Variants in RBMS1 observed in about 807,000 individuals in gnomAD.
RBMS1 encodes the protein RNA-binding motif, single-stranded-interacting protein 1.
RBMS1 carries 17 observed loss-of-function variants against 62.3 expected under a neutral mutation model. The observed-to-expected ratio is 0.27, with a 90% CI of 0.19 to 0.41. The LOEUF is 0.41. Ranked by LOEUF, RBMS1 falls within the 10% of genes least tolerant of loss-of-function variation. The pLI is 1.00. For missense variants in RBMS1, 334 were observed against 504.5 expected, an observed-to-expected ratio of 0.66 and a Z score of 3.24; for synonymous variants, 172 against 170.0, an observed-to-expected ratio of 1.01 and a Z score of -0.09.
At chr2:160,380,264 C>T (rs994160209) in intron 1 of RBMS1, among the ~76,000 whole-genome samples, 3 of 152,078 alleles carry the variant, frequency 2.0e-5, no homozygotes, top group Non-Finnish European at 4.4e-5. Flanking sequence ...CGGGGAGCAG[C>T]TCTCTGCCCA....
At position 160,339,020 on chromosome 2, in the gene RBMS1, G is replaced by C. The variant is rs556816717; in HGVS notation, c.252-20793C>G. ...CCAGGAAGCAAAAGCAAGTTGTCCA[G>C]GATCATCCACCTATTACACAGGCAA... On this transcript the variant is annotated intron_variant, in intron 2 of 13. Transcript: ENST00000348849. Among the ~76,000 whole-genome samples the C allele has an allele frequency of 2.6e-5, 4 of 152,320 alleles. No homozygotes were observed. In the South Asian group the frequency reaches 8.3e-4, roughly 32 times the overall value.
At chr2:160,350,556 G>A (rs1416651883) in intron 2 of RBMS1, among the ~76,000 whole-genome samples, 6 of 152,052 alleles carry the variant, frequency 3.9e-5, no homozygotes, top group Non-Finnish European at 5.9e-5. Context: ...GACATTGAAA[G>A]GAAAGCAGGG....
chr2:160,310,189 A>T (rs991514915), intron 4 of RBMS1, among the ~76,000 whole-genome samples: 6 of 152,198 alleles, frequency 3.9e-5, no homozygotes, highest in African/African-American at 1.2e-4. Flanking sequence ...TAATTCCCTA[A>T]AATGTAACTA....
chr2:160,373,343 A>C (rs1210183949), intron 1 of RBMS1, among the ~76,000 whole-genome samples: 3 of 152,232 alleles, frequency 2.0e-5, no homozygotes, highest in Non-Finnish European at 4.4e-5. Flanking sequence ...TATGCTTCAG[A>C]TAAAAGAATT....
intron 1 of RBMS1, among the ~76,000 whole-genome samples, chr2:160,435,572 T>G (rs1683076004): frequency 6.6e-6 from 1 of 152,232 alleles, no homozygotes; most frequent in Non-Finnish European, 1.5e-5. Flanking sequence ...GTCCAAGCCT[T>G]AGGCTTTTCT....
At chr2:160,303,771 G>C (rs1689340435) in intron 4 of RBMS1, among the ~76,000 whole-genome samples, 1 of 152,132 alleles carries the variant, frequency 6.6e-6, no homozygotes, top group Non-Finnish European at 1.5e-5. Context: ...GTTGTTTGCG[G>C]TGTTTCTAAA....
chr2:160,296,587 G>T (rs1688945837), intron 6 of RBMS1, among the ~76,000 whole-genome samples: 1 of 152,196 alleles, frequency 6.6e-6, no homozygotes, highest in South Asian at 2.1e-4. Flanking sequence ...TCTCTTCCAT[G>T]ACTTCTGGCT....
intron 1 of RBMS1, among the ~76,000 whole-genome samples, chr2:160,476,126 G>A (rs904469648): frequency 4.6e-5 from 7 of 152,034 alleles, no homozygotes; most frequent in East Asian, 1.9e-4. Context: ...CCAAAGTGCC[G>A]GGATTACAGG....
chr2:160,306,890 TTTA>T (rs1382259177), intron 4 of RBMS1, among the ~76,000 whole-genome samples: 1 of 152,108 alleles, frequency 6.6e-6, no homozygotes, highest in Admixed American at 6.5e-5. Flanking sequence ...CCATAACTGG[TTTA>T]TTATTTACAA....
At chr2:160,424,264 C>T (rs1381076652) in intron 1 of RBMS1, among the ~76,000 whole-genome samples, 1 of 151,978 alleles carries the variant, frequency 6.6e-6, no homozygotes, top group African/African-American at 2.4e-5. Context: ...AATGATCCAC[C>T]CGCCTCAGCC....
intron 4 of RBMS1, among the ~76,000 whole-genome samples, chr2:160,310,794 A>G (rs1443049210): frequency 6.6e-6 from 1 of 152,126 alleles, no homozygotes; most frequent in Admixed American, 6.5e-5. Context: ...TATGCAACAT[A>G]GGTATCACAT....
chr2:160,287,171 C>T, intron 6 of RBMS1, 87 bp from the exon 7 acceptor site: 1 of 1,531,374 alleles, frequency 6.5e-7, no homozygotes, highest in Non-Finnish European at 8.9e-7. Flanking sequence ...GAATAGTGTT[C>T]ACGCTATTAG....
chr2:160,292,642 C>G (rs1218126633), intron 6 of RBMS1, among the ~76,000 whole-genome samples: 1 of 152,252 alleles, frequency 6.6e-6, no homozygotes, highest in African/African-American at 2.4e-5. Flanking sequence ...CCTACAACTT[C>G]TACCCAAGAG....
intron 13 of RBMS1, 92 bp from the exon 14 acceptor site, chr2:160,274,856 T>C (rs1281701691): frequency 1.3e-5 from 2 of 152,650 alleles, no homozygotes; most frequent in Admixed American, 6.5e-5. Flanking sequence ...TAAAGAGATA[T>C]GTGTTTGAAA....
intron 1 of RBMS1, among the ~76,000 whole-genome samples, chr2:160,460,659 T>C (rs1427789450): frequency 6.6e-6 from 1 of 152,230 alleles, no homozygotes; most frequent in South Asian, 2.1e-4. Context: ...TCTCTGGCTG[T>C]TTTGCTTCTT....
At chr2:160,307,311 T>C (rs1381891880) in intron 4 of RBMS1, among the ~76,000 whole-genome samples, 1 of 143,452 alleles carries the variant, frequency 7.0e-6, no homozygotes, top group Non-Finnish European at 1.5e-5. Context: ...GGTGAAGCTC[T>C]GGATGGAGAG....
chr2:160,286,025 G>T (rs1175568075), intron 7 of RBMS1, among the ~76,000 whole-genome samples: 2 of 151,890 alleles, frequency 1.3e-5, no homozygotes, highest in East Asian at 3.9e-4. Flanking sequence ...GCAGGAGAAT[G>T]GCATGAACCC....
rs756088005 is a variant in RBMS1 at position 160,300,831 on chromosome 2, A to C, written c.561-101T>G. On this transcript the variant is annotated intron_variant, in intron 5 of 13. Transcript: ENST00000348849. ...CATTCTTATAGGTTTTTTGGATATA[A>C]ATGAAACCTAGTAAAAATGTGAATA... The C allele has an allele frequency of 7.8e-5, 98 of 1,252,302 alleles. No individual in the cohort carries two copies. The Middle Eastern group carries it at 3.4e-3, about 43-fold the overall frequency. The allele number at this position is 1,252,302 out of a possible 1,614,324, so 77.6% of individuals were successfully genotyped here. A position where few individuals can be genotyped will look rare whatever the true frequency, so the allele number is the denominator to read the frequency against.
intron 4 of RBMS1, among the ~76,000 whole-genome samples, chr2:160,304,891 C>T (rs1284605930): frequency 1.3e-5 from 2 of 152,150 alleles, no homozygotes; most frequent in African/African-American, 2.4e-5. Flanking sequence ...GAGTCTTGCT[C>T]TGTGCCAGGA....
Sources: gnomAD v4.1 joint callset for allele counts (sites outside exome capture counted in the v4.1 genomes callset) on GRCh38, gnomAD v4.1.1 for gene constraint, MANE v1.5 for transcripts, NCBI Gene and HGNC (gene_info 2026-07-23, HGNC 2026-07-21) for gene names.